DCN: variants seen among roughly 807,000 people sequenced by gnomAD.
DCN encodes bone proteoglycan II.
In DCN, 17 loss-of-function variants were observed where a neutral mutation model predicts 36.5. The observed-to-expected ratio is 0.47, with a 90% CI of 0.32 to 0.70. DCN has a LOEUF of 0.70. Among genes scored for constraint, DCN ranks in the 30% least tolerant of loss-of-function variants. The probability of loss-of-function intolerance (pLI) is 0.04; values close to 1 mark genes in which losing one functional copy is unlikely to be tolerated. For synonymous variants in DCN, 163 were observed against 161.4 expected, an observed-to-expected ratio of 1.01 and a Z score of -0.07; for missense variants, 389 against 430.1, an observed-to-expected ratio of 0.90 and a Z score of 0.84.
chr12:91,158,354 A>G lies in DCN; in HGVS notation c.480T>C (p.Asn160=). 4 of 1,610,046 alleles carry G rather than the reference A, an allele frequency of 2.5e-6. No individual in the cohort carries two copies. Among genetic ancestry groups the G allele is most frequent in the Non-Finnish European group, 3.4e-6 (4 of 1,176,284 alleles). The part of the protein sequence containing the change: ...KTLQELRAHE[N]EITKVRKVTF... ...TAACTTTTCGCACTTTGGTGATCTC[A>G]TTCTCATGGGCACGCAGCTCCTGAA... Residue 160 remains asparagine (N), a synonymous_variant, in exon 4 of 8, where the codon AAT becomes AAC. Coordinates refer to ENST00000052754, the MANE Select transcript of DCN (RefSeq NM_001920.5).
intron 7 of DCN, 138 bp downstream of exon 7, chr12:91,151,516 T>A (rs1360229096): frequency 2.2e-6 from 2 of 891,028 alleles, no homozygotes; most frequent in Non-Finnish European, 3.6e-6. Flanking sequence ...TTTTATGGTA[T>A]TTTGTCATAG....
At chr12:91,163,592 G>C (rs142890166) in intron 3 of DCN, among the ~76,000 whole-genome samples, 180 of 152,270 alleles carry the variant, frequency 1.2e-3, no homozygotes, top group East Asian at 8.9e-3. Context: ...AAACCCCTTT[G>C]TGAGTGGCAT....
intron 7 of DCN, among the ~76,000 whole-genome samples, chr12:91,148,583 G>A (rs950960939): frequency 4.6e-5 from 7 of 151,824 alleles, no homozygotes; most frequent in South Asian, 2.1e-4. Flanking sequence ...TGGCATGGCG[G>A]CACGTGCCTG....
intron 3 of DCN, among the ~76,000 whole-genome samples, chr12:91,158,969 A>T (rs1763174303): frequency 6.6e-6 from 1 of 152,190 alleles, no homozygotes; most frequent in Admixed American, 6.5e-5. Context: ...CAAAAAAAAA[A>T]AAAGTTATAA....
intron 7 of DCN, 106 bp downstream of exon 7, chr12:91,151,548 G>A: frequency 7.5e-7 from 1 of 1,336,436 alleles, no homozygotes; most frequent in Non-Finnish European, 1.1e-6. Flanking sequence ...AAGACACTCT[G>A]GAAAAAAAAC....
intron 1 of DCN, 51 bp downstream of exon 1, chr12:91,182,604 G>A (rs796341863): frequency 6.6e-6 from 1 of 151,064 alleles, no homozygotes; most frequent in Non-Finnish European, 1.5e-5. Context: ...CAACTTGACC[G>A]AAGTTTTATT....
At position 91,145,985 on chromosome 12, in the gene DCN, G is replaced by T; in HGVS notation, c.*73C>A. ...ATTGCAGTTAGGTTTCCAGTATCTA[G>T]CTTTTATTTATTTTTTAGCAATGAC... On this transcript the variant is annotated 3_prime_UTR_variant, in exon 8 of 8. Transcript: ENST00000052754. 3 of 1,294,850 alleles carry T rather than the reference G, an allele frequency of 2.3e-6. No individual in the cohort carries two copies. The highest frequency in any genetic ancestry group is 3.4e-6 in the Non-Finnish European group (3 of 890,330). The allele number at this position is 1,294,850 out of a possible 1,614,324, so 80.2% of individuals were successfully genotyped here.
intron 5 of DCN, among the ~76,000 whole-genome samples, chr12:91,154,296 T>C (rs1040975098): frequency 2.0e-5 from 3 of 152,172 alleles, no homozygotes; most frequent in Non-Finnish European, 2.9e-5. Flanking sequence ...TGTATGTCTG[T>C]TACGCACCGA....
Position 91,141,517 on chromosome 12 carries a change from T to G in DCN, c.*4541A>C, listed in dbSNP as rs1443783780. The G allele has an allele frequency of 6.6e-6, 1 of 152,166 alleles. No individual in the cohort carries two copies. The highest frequency in any genetic ancestry group is 1.5e-5 in the Non-Finnish European group (1 of 68,074). The allele number at this position is 152,166 out of a possible 1,614,324, so 9.4% of individuals were successfully genotyped here. A position where few individuals can be genotyped will look rare whatever the true frequency, so the allele number is the denominator to read the frequency against. The stretch of plus-strand genomic sequence containing the variant: ...CCACTTTAATTGTCATGTCCTGGAA[T>G]GTCTCCTCCTGCTGCAACATCTGCT... On this transcript the variant is annotated 3_prime_UTR_variant, in exon 8 of 8. Transcript: ENST00000052754.
At chr12:91,180,170 A>T (rs918157862) in intron 1 of DCN, 3 of 152,154 alleles carry the variant, frequency 2.0e-5, no homozygotes, top group Non-Finnish European at 4.4e-5. Context: ...GCAGATATTT[A>T]GTCCCATCAT....
At chr12:91,150,696 ATG>A in intron 7 of DCN, 1 of 152,226 alleles carries the variant, frequency 6.6e-6, no homozygotes. Context: ...TTCCTCAAGG[ATG>A]TAGAACCAGA....
chr12:91,176,851 A>T (rs1592709312), intron 2 of DCN: 1 of 152,206 alleles, frequency 6.6e-6, no homozygotes, highest in Non-Finnish European at 1.5e-5. Context: ...TCCTGTGTAT[A>T]TCCATCAAAT....
At chr12:91,164,150 C>G (rs3138297) in intron 3 of DCN, among the ~76,000 whole-genome samples, 3 of 151,134 alleles carry the variant, frequency 2.0e-5, no homozygotes, top group South Asian at 2.1e-4. Context: ...CTCACTCATA[C>G]GTGGGAATTG....
intron 2 of DCN, among the ~76,000 whole-genome samples, chr12:91,177,977 G>A (rs1276251132): frequency 6.6e-6 from 1 of 152,058 alleles, no homozygotes; most frequent in South Asian, 2.1e-4. Context: ...TTTTATAAAA[G>A]CATATTATAG....
chr12:91,164,400 C>CAAAAAAAAAAAAAAAAAAAA (rs5799980), intron 3 of DCN, among the ~76,000 whole-genome samples: 1 of 78,916 alleles, frequency 1.3e-5, no homozygotes, highest in African/African-American at 6.0e-5. Flanking sequence ...AAGCATAATT[C>CAAAAAAAAAAAAAAAAAAAA]AAAAAAAAAA....
chr12:91,165,115 C>T (rs990008531), intron 2 of DCN, among the ~76,000 whole-genome samples: 4 of 152,132 alleles, frequency 2.6e-5, no homozygotes, highest in Admixed American at 6.5e-5. Context: ...AATACCGTGT[C>T]AATAATTACT....
At chr12:91,180,054 C>T (rs1883504183) in intron 1 of DCN, 1 of 151,486 alleles carries the variant, frequency 6.6e-6, no homozygotes, top group Non-Finnish European at 1.5e-5. Context: ...AACAAAAGTA[C>T]TTGATTATAT....
chr12:91,160,902 T>C (rs1225669880), intron 3 of DCN, among the ~76,000 whole-genome samples: 1 of 152,172 alleles, frequency 6.6e-6, no homozygotes, highest in Non-Finnish European at 1.5e-5. Context: ...GGTATAAAAT[T>C]ACTCTTATGT....
chr12:91,173,865 G>C (rs1180408663), intron 2 of DCN, among the ~76,000 whole-genome samples: 1 of 152,184 alleles, frequency 6.6e-6, no homozygotes, highest in African/African-American at 2.4e-5. Flanking sequence ...TATGTCCCAA[G>C]TGGTAACTTC....
Sources: allele counts gnomAD v4.1 joint callset (sites outside exome capture counted in the v4.1 genomes callset), GRCh38; gene constraint gnomAD v4.1.1; transcripts MANE v1.5; gene names NCBI Gene and HGNC (gene_info 2026-07-23, HGNC 2026-07-21).